Variants in TRPC7 observed in about 807,000 individuals in gnomAD.
TRPC7 encodes transient receptor potential cation channel subfamily C member 7.
Under a neutral mutation model 90.1 loss-of-function variants are expected in TRPC7, and 42 were observed. The ratio of observed to expected loss-of-function variants is 0.47; its 90% CI spans 0.36 to 0.60. TRPC7 has a LOEUF of 0.60. Among genes scored for constraint, TRPC7 ranks in the 20% least tolerant of loss-of-function variants. TRPC7 has a pLI of 0.00. For synonymous variants in TRPC7, 451 were observed against 436.3 expected (o/e 1.03, Z -0.42); for missense variants, 955 against 1,112.3 (o/e 0.86, Z 2.01).
chr5:136,247,828 C>T lies in TRPC7; in HGVS notation c.1580-93G>A, dbSNP rs115689728. The T allele has an allele frequency of 6.9e-7, 1 of 1,445,794 alleles. No homozygotes were observed. Among genetic ancestry groups the T allele is most frequent in the African/African-American group, 1.4e-5 (1 of 70,390 alleles). 89.6% of individuals were successfully genotyped at this position (1,445,794 alleles called of 1,614,324 possible). ...CATCTTTAGAGGTCTCCAACTGCAT[C>T]ATTTGCCATTCTTGTCCTTGTCCTT... On this transcript the variant is annotated intron_variant, in intron 6 of 11. Transcript: ENST00000513104. This position sits in a 1 kb window ranked among gnomAD's most constrained non-coding sequence, Gnocchi z 4.2.
intron 3 of TRPC7, among the ~76,000 whole-genome samples, chr5:136,313,733 T>C (rs1389088520): frequency 6.6e-6 from 1 of 152,200 alleles, no homozygotes. Context: ...ATTTATCATC[T>C]TCCTACCTAT....
intron 2 of TRPC7, among the ~76,000 whole-genome samples, chr5:136,333,140 C>A (rs1025947316): frequency 1.3e-5 from 2 of 152,168 alleles, no homozygotes; most frequent in African/African-American, 4.8e-5. Context: ...CTGACTGTGG[C>A]AGTAACTCAC....
At chr5:136,311,059 T>C (rs1459659561) in intron 3 of TRPC7, among the ~76,000 whole-genome samples, 1 of 152,146 alleles carries the variant, frequency 6.6e-6, no homozygotes, top group Non-Finnish European at 1.5e-5. Flanking sequence ...CTTAGTAGTG[T>C]CCAAAAGATG....
Position 136,247,464 on chromosome 5 carries a change from TACTC to T in TRPC7, c.1844+3_1844+6del. 6.2e-7 allele frequency: 1 copy of T among 1,604,478 alleles called. No individual in the cohort carries two copies. Among genetic ancestry groups the T allele is most frequent in the Non-Finnish European group, 8.5e-7 (1 of 1,173,946 alleles). On this transcript the variant is annotated splice_donor_5th_base_variant and intron_variant, in intron 7 of 11. Coordinates refer to ENST00000513104, the MANE Select transcript of TRPC7 (RefSeq NM_020389.3). This position sits in a 1 kb window ranked among gnomAD's most constrained non-coding sequence, Gnocchi z 4.2. ...AGAACCTCAGGGGAAAGCTCTCAGA[TACTC>T]ACGTTGTAAACGCTGGGTTGTATTT... is the stretch of plus-strand genomic sequence containing the variant.
intron 7 of TRPC7, among the ~76,000 whole-genome samples, chr5:136,233,788 A>G (rs1349838086): frequency 5.9e-5 from 9 of 152,356 alleles, no homozygotes; most frequent in Admixed American, 1.3e-4. Context: ...ATTACAGAAC[A>G]CATCCAGGGA....
At chr5:136,304,965 G>A (rs931806299) in intron 3 of TRPC7, among the ~76,000 whole-genome samples, 2 of 152,222 alleles carry the variant, frequency 1.3e-5, no homozygotes, top group East Asian at 3.9e-4. Flanking sequence ...TACAGCAGCT[G>A]CCGCTGCTTT....
At chr5:136,291,368 C>A (rs562212035) in intron 3 of TRPC7, among the ~76,000 whole-genome samples, 1 of 152,266 alleles carries the variant, frequency 6.6e-6, no homozygotes, top group East Asian at 1.9e-4. Context: ...AAAGTCAAGA[C>A]CCATCAGTGT....
intron 3 of TRPC7, among the ~76,000 whole-genome samples, chr5:136,301,872 G>A (rs955841597): frequency 4.0e-4 from 61 of 152,170 alleles, no homozygotes; most frequent in Middle Eastern, 3.2e-3. Flanking sequence ...ACCTCCCTTG[G>A]GAGATCAATC....
intron 3 of TRPC7, among the ~76,000 whole-genome samples, chr5:136,291,982 A>G (rs1204442049): frequency 6.6e-6 from 1 of 152,188 alleles, no homozygotes; most frequent in Non-Finnish European, 1.5e-5. Flanking sequence ...CTCAGGATTA[A>G]GAAACTCACT....
intron 7 of TRPC7, among the ~76,000 whole-genome samples, chr5:136,235,415 C>T (rs1414515423): frequency 6.6e-6 from 1 of 152,112 alleles, no homozygotes; most frequent in Non-Finnish European, 1.5e-5. Flanking sequence ...TGGGAAATGA[C>T]TTGTGTTGCC....
intron 2 of TRPC7, among the ~76,000 whole-genome samples, chr5:136,345,384 C>A (rs185864909): frequency 6.6e-6 from 1 of 151,966 alleles, no homozygotes; most frequent in Non-Finnish European, 1.5e-5. Context: ...GGCGAAACCC[C>A]GTCTCTACTA....
intron 3 of TRPC7, among the ~76,000 whole-genome samples, chr5:136,291,707 C>A (rs1007060772): frequency 1.4e-4 from 21 of 152,186 alleles, no homozygotes; most frequent in Non-Finnish European, 2.6e-4. Flanking sequence ...ACTTTAACAC[C>A]CCACTGTCAA....
chr5:136,236,950 G>A (rs766469031), intron 7 of TRPC7, among the ~76,000 whole-genome samples: 1 of 152,186 alleles, frequency 6.6e-6, no homozygotes, highest in South Asian at 2.1e-4. Context: ...TGTTTCCCAA[G>A]CTCAGCGGAC....
intron 2 of TRPC7, among the ~76,000 whole-genome samples, chr5:136,326,001 T>C (rs1465286566): frequency 6.6e-6 from 1 of 152,230 alleles, no homozygotes; most frequent in Non-Finnish European, 1.5e-5. Context: ...TCCCTTCATC[T>C]GCACAGGGCA....
chr5:136,347,315 A>G (rs1450583126), intron 2 of TRPC7, among the ~76,000 whole-genome samples: 1 of 152,148 alleles, frequency 6.6e-6, no homozygotes, highest in African/African-American at 2.4e-5. Context: ...GTGGCCAGAA[A>G]AGCCTTGATT....
intron 8 of TRPC7, among the ~76,000 whole-genome samples, chr5:136,227,266 A>G (rs1755657940): frequency 6.6e-6 from 1 of 152,154 alleles, no homozygotes; most frequent in South Asian, 2.1e-4. Flanking sequence ...TGAGACCAGG[A>G]AAGAGGCATG....
chr5:136,288,598 G>T (rs1224550328), intron 3 of TRPC7, among the ~76,000 whole-genome samples: 1 of 152,120 alleles, frequency 6.6e-6, no homozygotes, highest in Non-Finnish European at 1.5e-5. Flanking sequence ...CCACATTAGA[G>T]ATGAGGGAAA....
intron 3 of TRPC7, among the ~76,000 whole-genome samples, chr5:136,305,882 G>C (rs1758605574): frequency 6.6e-6 from 1 of 152,142 alleles, no homozygotes; most frequent in Non-Finnish European, 1.5e-5. Flanking sequence ...AAAAGGACTG[G>C]ACAATACTTT....
intron 3 of TRPC7, among the ~76,000 whole-genome samples, chr5:136,308,285 C>A (rs760295008): frequency 6.6e-6 from 1 of 152,186 alleles, no homozygotes; most frequent in Non-Finnish European, 1.5e-5. Context: ...GCGAGATCCA[C>A]GGAAGTGCTT....
Sources: gnomAD v4.1 joint callset for allele counts (sites outside exome capture counted in the v4.1 genomes callset) on GRCh38, gnomAD v4.1.1 for gene constraint, Gnocchi (gnomAD v3.1) non-coding constraint, MANE v1.5 for transcripts, NCBI Gene and HGNC (gene_info 2026-07-23, HGNC 2026-07-21) for gene names.